Variants in KDM2B observed in about 807,000 individuals in gnomAD.
KDM2B encodes the protein lysine demethylase 2B, also known as lysine-specific demethylase 2B.
Under a neutral mutation model 150.0 loss-of-function variants are expected in KDM2B, and 26 were observed. The observed-to-expected ratio is 0.17, with a 90% CI of 0.13 to 0.24. The LOEUF is 0.24. Ranked by LOEUF, KDM2B falls within the 10% of genes least tolerant of loss-of-function variation. The pLI, the probability that KDM2B is intolerant of heterozygous loss-of-function variation, is 1.00. For missense variants in KDM2B, 1,265 were observed against 1,816.9 expected (o/e 0.70, Z 5.52); for synonymous variants, 734 against 729.5 (o/e 1.01, Z -0.10).
At chr12:121,477,058 T>C (rs1290436360) in intron 12 of KDM2B, among the ~76,000 whole-genome samples, 1 of 152,210 alleles carries the variant, frequency 6.6e-6, no homozygotes, top group Non-Finnish European at 1.5e-5. Context: ...TTTCATCTCC[T>C]GATGAAACAA....
chr12:121,460,978 C>G (rs1166568873), intron 12 of KDM2B, among the ~76,000 whole-genome samples: 2 of 152,150 alleles, frequency 1.3e-5, no homozygotes, highest in African/African-American at 4.8e-5. Context: ...AAGTCATCCG[C>G]CCGATGTCAT....
chr12:121,493,632 C>A (rs1377277453), intron 12 of KDM2B, among the ~76,000 whole-genome samples: 1 of 152,148 alleles, frequency 6.6e-6, no homozygotes, highest in Non-Finnish European at 1.5e-5. Context: ...TCTTTGTGTA[C>A]TTGGCTGTCC....
At chr12:121,472,681 G>A (rs1156645408) in intron 12 of KDM2B, among the ~76,000 whole-genome samples, 3 of 152,164 alleles carry the variant, frequency 2.0e-5, no homozygotes, top group African/African-American at 4.8e-5. Context: ...ACAGGTGACT[G>A]GCATTGATCT....
intron 12 of KDM2B, chr12:121,469,323 G>A (rs1332589408): frequency 2.4e-5 from 2 of 82,986 alleles, no homozygotes; most frequent in Non-Finnish European, 2.1e-5. Context: ...CTTTTTAAAA[G>A]CTACCTTGAT....
chr12:121,430,854 C>T lies in KDM2B; in HGVS notation c.3830-385G>A, dbSNP rs1243595020. On this transcript the variant is annotated intron_variant, in intron 22 of 22. Coordinates refer to ENST00000377071, the MANE Select transcript of KDM2B (RefSeq NM_032590.5). The surrounding 1 kb of genome is among the most constrained non-coding windows in gnomAD (Gnocchi z 4.4). ...TAATATGTTGTTGATGAGTACTGCT[C>T]TATGTCTATTACTGTGCATTTATTT... Among the ~76,000 whole-genome samples, 1 of 152,210 alleles carries T rather than the reference C, an allele frequency of 6.6e-6. No individual in the cohort carries two copies. The highest frequency in any genetic ancestry group is 6.5e-5 in the Admixed American group (1 of 15,278).
At chr12:121,450,900 G>A (rs550535996) in intron 13 of KDM2B, among the ~76,000 whole-genome samples, 9 of 151,264 alleles carry the variant, frequency 5.9e-5, no homozygotes, top group Admixed American at 3.9e-4. Context: ...TCATGCACCC[G>A]TGGTGGGAAT....
At chr12:121,478,866 T>TTGTTTGTTTGTTTGTGTGTGTGTGTG (rs61509046) in intron 12 of KDM2B, among the ~76,000 whole-genome samples, 1 of 131,132 alleles carries the variant, frequency 7.6e-6, no homozygotes, top group Non-Finnish European at 1.6e-5. Context: ...TTTTGTTTGT[T>TTGTTTGTTTGTTTGTGTGTGTGTGTG]TGTGTGTGTG....
chr12:121,514,692 C>A (rs1169388837), intron 9 of KDM2B, among the ~76,000 whole-genome samples: 1 of 151,236 alleles, frequency 6.6e-6, no homozygotes, highest in Admixed American at 6.6e-5. Context: ...TACATTCTCC[C>A]ACCTTCTAAT....
At chr12:121,448,253 G>A (rs534336543) in intron 13 of KDM2B, among the ~76,000 whole-genome samples, 69 of 140,478 alleles carry the variant, frequency 4.9e-4, no homozygotes, top group Non-Finnish European at 8.1e-4. Flanking sequence ...CCAGGAGGTA[G>A]AGGCTGCAGT....
At chr12:121,564,444 C>T (rs1890558221) in intron 4 of KDM2B, among the ~76,000 whole-genome samples, 2 of 151,472 alleles carry the variant, frequency 1.3e-5, no homozygotes, top group South Asian at 2.1e-4. Flanking sequence ...GGCAACAGAG[C>T]GAGAATCCGT....
chr12:121,487,234 G>A (rs1465366015), intron 12 of KDM2B, among the ~76,000 whole-genome samples: 5 of 152,152 alleles, frequency 3.3e-5, no homozygotes. Context: ...TTCTCTCAAC[G>A]GGATTTTTCT....
chr12:121,459,265 A>C (rs1878754018), intron 12 of KDM2B, among the ~76,000 whole-genome samples: 1 of 152,180 alleles, frequency 6.6e-6, no homozygotes, highest in Admixed American at 6.5e-5. Context: ...TGCCAAGGCA[A>C]TTCAGTTGGG....
In KDM2B at chr12:121,507,447, T is replaced by C. The variant is rs1256483567; in HGVS notation, c.1647+2120A>G. Among the ~76,000 whole-genome samples the C allele has an allele frequency of 2.0e-5, 3 of 152,246 alleles. No individual in the cohort carries two copies. The East Asian group carries it at 5.8e-4, about 29-fold the overall frequency. Reference sequence around the variant, plus strand: ...AAACACACCCAACAGCACCAAGTCATTGAGATGCCTCATTTCATATTATCA... The same window carrying C: ...AAACACACCCAACAGCACCAAGTCACTGAGATGCCTCATTTCATATTATCA... On this transcript the variant is annotated intron_variant, in intron 11 of 22. Transcript: ENST00000377071.
At chr12:121,512,211 G>C (rs573528557) in intron 10 of KDM2B, among the ~76,000 whole-genome samples, 7 of 152,198 alleles carry the variant, frequency 4.6e-5, no homozygotes, top group Middle Eastern at 3.4e-3. Context: ...GGGAGCTCCA[G>C]AAGGGCAGGT....
At chr12:121,544,933 T>A (rs1052784930) in intron 6 of KDM2B, among the ~76,000 whole-genome samples, 4 of 152,126 alleles carry the variant, frequency 2.6e-5, no homozygotes, top group Middle Eastern at 6.8e-3. Context: ...AATTAAAAAA[T>A]TTTTAAAAAT....
chr12:121,480,941 T>G (rs1316140647), intron 12 of KDM2B, among the ~76,000 whole-genome samples: 2 of 150,996 alleles, frequency 1.3e-5, no homozygotes, highest in African/African-American at 4.9e-5. Context: ...TGTTTTTTTT[T>G]TTTTGAGATG....
intron 22 of KDM2B, among the ~76,000 whole-genome samples, chr12:121,439,168 A>T (rs1874534579): frequency 6.6e-6 from 1 of 152,208 alleles, no homozygotes; most frequent in Non-Finnish European, 1.5e-5. Context: ...ACGACAGCAA[A>T]GGCAGAAACC....
At chr12:121,491,645 T>A (rs1883363044) in intron 12 of KDM2B, among the ~76,000 whole-genome samples, 1 of 151,396 alleles carries the variant, frequency 6.6e-6, no homozygotes, top group African/African-American at 2.4e-5. Context: ...ATACAAAAAA[T>A]TTGCCGGGCG....
Position 121,453,031 on chromosome 12 carries a change from G to A in KDM2B, c.1959+89C>T. 8.4e-7 allele frequency: 1 copy of A among 1,184,822 alleles called. No homozygotes were observed. Among genetic ancestry groups the A allele is most frequent in the Middle Eastern group, 2.9e-4 (1 of 3,458 alleles). 73.4% of individuals were successfully genotyped at this position (1,184,822 alleles called of 1,614,324 possible). ...CAGCCCCGGCTTCTCTGTGTGCGGA[G>A]GGGCGGCCAGAGCGAGCAGCGGTCA... On this transcript the variant is annotated intron_variant, in intron 13 of 22. Coordinates refer to ENST00000377071, the MANE Select transcript of KDM2B (RefSeq NM_032590.5). This position sits in a 1 kb window ranked among gnomAD's most constrained non-coding sequence, Gnocchi z 6.4.
Sources: allele counts gnomAD v4.1 joint callset (sites outside exome capture counted in the v4.1 genomes callset), GRCh38; gene constraint gnomAD v4.1.1; non-coding constraint Gnocchi (gnomAD v3.1); transcripts MANE v1.5; gene names NCBI Gene and HGNC (gene_info 2026-07-23, HGNC 2026-07-21).